SORCS1: variants seen among roughly 807,000 people sequenced by gnomAD.
The protein encoded by SORCS1 is sortilin related VPS10 domain containing receptor 1.
In SORCS1, 60 loss-of-function variants were observed where a neutral mutation model predicts 146.1. The observed-to-expected ratio is 0.41, with a 90% CI of 0.33 to 0.51. The LOEUF is 0.51. Ranked by LOEUF, SORCS1 falls within the 20% of genes least tolerant of loss-of-function variation. The pLI is 0.21. For missense variants in SORCS1, 1,352 were observed against 1,487.6 expected (o/e 0.91, Z 1.50); for synonymous variants, 637 against 584.0 (o/e 1.09, Z -1.31).
chr10:107,016,208 A>C (rs1022076441), intron 1 of SORCS1, among the ~76,000 whole-genome samples: 6 of 152,260 alleles, frequency 3.9e-5, no homozygotes, highest in African/African-American at 1.4e-4. Context: ...ACATACGTGC[A>C]TAATATATGA....
At chr10:106,824,104 A>G (rs7074475) in intron 3 of SORCS1, among the ~76,000 whole-genome samples, 30,360 of 144,784 alleles carry the variant, frequency 0.21, 5,021 homozygotes, top group African/African-American at 0.46. Flanking sequence ...AGGAGTTCGA[A>G]ACCAGCCTGG....
chr10:107,003,429 AGTGTGTGTGTGTGTGTGTGTGTGT>A (rs59467041), intron 1 of SORCS1, among the ~76,000 whole-genome samples: 3 of 140,530 alleles, frequency 2.1e-5, no homozygotes, highest in East Asian at 2.2e-4. Context: ...AATTCCCATA[AGTGTGTGTGTGTGTGTGTGTGTGT>A]GTGTGTGTGT....
chr10:106,911,230 A>G (rs1327974768), intron 2 of SORCS1, among the ~76,000 whole-genome samples: 1 of 152,226 alleles, frequency 6.6e-6, no homozygotes, highest in Non-Finnish European at 1.5e-5. Flanking sequence ...TCAACAACAG[A>G]AAAGCTGGCT....
At chr10:106,632,995 T>C (rs749681769) in intron 18 of SORCS1, among the ~76,000 whole-genome samples, 6 of 151,626 alleles carry the variant, frequency 4.0e-5, no homozygotes, top group Non-Finnish European at 2.9e-5. Flanking sequence ...TAGAGGGAGA[T>C]AGTACGGTTG....
At chr10:106,918,153 A>G (rs1479542076) in intron 2 of SORCS1, among the ~76,000 whole-genome samples, 3 of 151,974 alleles carry the variant, frequency 2.0e-5, no homozygotes, top group Non-Finnish European at 2.9e-5. Flanking sequence ...ACCCAAGAAA[A>G]GACATTTCTT....
rs58948425 is a variant in SORCS1, at chr10:106,760,710, A to AACAC, written c.959+874_959+877dup. On this transcript the variant is annotated intron_variant, in intron 5 of 25. Transcript: ENST00000263054. Reference sequence around the variant, plus strand: ...ATACACACAAACACACACACACACTAACACACACACACACACACACACACA... The same window carrying AACAC: ...ATACACACAAACACACACACACACTAACACACACACACACACACACACACACACA... Among the ~76,000 whole-genome samples, 213 of 148,682 alleles carry AACAC rather than the reference A, an allele frequency of 1.4e-3. 1 individual carries two copies. The highest frequency in any genetic ancestry group is 4.8e-3 in the African/African-American group (194 of 40,696).
chr10:107,137,583 G>A (rs1342386037), intron 1 of SORCS1, among the ~76,000 whole-genome samples: 9 of 152,304 alleles, frequency 5.9e-5, no homozygotes, highest in Admixed American at 5.2e-4. Context: ...GGAGCATGAG[G>A]CCAGGTGTGG....
At chr10:107,050,470 G>T (rs1269089964) in intron 1 of SORCS1, among the ~76,000 whole-genome samples, 2 of 152,160 alleles carry the variant, frequency 1.3e-5, no homozygotes, top group African/African-American at 4.8e-5. Flanking sequence ...GATGTATTTT[G>T]ATTGTAGAAC....
chr10:107,087,497 C>T (rs1963850994), intron 1 of SORCS1, among the ~76,000 whole-genome samples: 2 of 152,280 alleles, frequency 1.3e-5, no homozygotes, highest in Middle Eastern at 6.8e-3. Context: ...CAGTTTTAAC[C>T]TAACGGAATA....
intron 1 of SORCS1, among the ~76,000 whole-genome samples, chr10:107,121,418 T>A (rs1399945900): frequency 6.6e-6 from 1 of 152,136 alleles, no homozygotes; most frequent in Non-Finnish European, 1.5e-5. Flanking sequence ...AATCAAAGAC[T>A]TGGGTTCTCA....
intron 1 of SORCS1, among the ~76,000 whole-genome samples, chr10:107,034,091 G>T (rs1479090521): frequency 6.6e-6 from 1 of 152,218 alleles, no homozygotes; most frequent in Non-Finnish European, 1.5e-5. Flanking sequence ...TAGACAGCTT[G>T]GAGAGAACAG....
chr10:106,938,622 T>C (rs1953873284), intron 2 of SORCS1, among the ~76,000 whole-genome samples: 1 of 152,248 alleles, frequency 6.6e-6, no homozygotes, highest in African/African-American at 2.4e-5. Flanking sequence ...AATTGTATCA[T>C]GTGCTTAGAT....
intron 2 of SORCS1, among the ~76,000 whole-genome samples, chr10:106,945,419 T>C (rs1388138250): frequency 6.6e-6 from 1 of 152,214 alleles, no homozygotes; most frequent in Non-Finnish European, 1.5e-5. Flanking sequence ...TTATTAAGCT[T>C]AAATTTTGAC....
chr10:107,035,357 G>T (rs1022943806), intron 1 of SORCS1, among the ~76,000 whole-genome samples: 1 of 151,570 alleles, frequency 6.6e-6, no homozygotes. Flanking sequence ...TGAATCAGGT[G>T]CTGTGCTTCT....
chr10:107,103,707 A>T (rs182042402), intron 1 of SORCS1, among the ~76,000 whole-genome samples: 97 of 152,280 alleles, frequency 6.4e-4, no homozygotes, highest in Admixed American at 2.4e-3. Context: ...TGTTTGTATT[A>T]ATGAAATATG....
At position 106,586,484 on chromosome 10, in the gene SORCS1, G is replaced by A. The variant is rs148844397; in HGVS notation, c.3266-7010C>T. On this transcript the variant is annotated intron_variant, in intron 24 of 25. Transcript: ENST00000263054. ...TCCCCTGGGATACTGCATTTCTGAC[G>A]CATGTTTGTGCCCCTGTTTCTGTTC... Among the ~76,000 whole-genome samples the A allele has an allele frequency of 1.1e-4, 17 of 151,670 alleles. No homozygotes were observed. The East Asian group carries it at 2.7e-3, about 24-fold the overall frequency.
chr10:106,785,217 A>AATCT (rs891097479), intron 3 of SORCS1, among the ~76,000 whole-genome samples: 1 of 152,194 alleles, frequency 6.6e-6, no homozygotes, highest in African/African-American at 2.4e-5. Context: ...CTTCCCCAGG[A>AATCT]ATCTCATCAA....
chr10:106,826,376 T>G (rs1384529624), intron 3 of SORCS1, among the ~76,000 whole-genome samples: 1 of 152,136 alleles, frequency 6.6e-6, no homozygotes, highest in African/African-American at 2.4e-5. Flanking sequence ...TTTAAAGGAG[T>G]CTGCCCTTTT....
rs182094688 is a variant in SORCS1 at position 106,841,448 on chromosome 10, C to T, written c.627-11775G>A. ...TCACAGCACTGCACTCCAGCCTGGG[C>T]GACAGAGTGAGACTCCATTTCAATA... is the stretch of plus-strand genomic sequence containing the variant. On this transcript the variant is annotated intron_variant, in intron 2 of 25. Transcript: ENST00000263054. Among the ~76,000 whole-genome samples the T allele has an allele frequency of 2.2e-3, 338 of 151,120 alleles. 5 individuals are homozygous for T. Among genetic ancestry groups the T allele is most frequent in the African/African-American group, 7.6e-3 (310 of 40,994 alleles).
Sources: gnomAD v4.1 joint callset for allele counts (sites outside exome capture counted in the v4.1 genomes callset) on GRCh38, gnomAD v4.1.1 for gene constraint, MANE v1.5 for transcripts, NCBI Gene and HGNC (gene_info 2026-07-23, HGNC 2026-07-21) for gene names.